Variants in HIVEP2 observed in about 807,000 individuals in gnomAD.
HIVEP2 encodes HIVEP zinc finger 2.
In HIVEP2, 14 loss-of-function variants were observed where a neutral mutation model predicts 180.7. That is an observed-to-expected ratio of 0.08 (90% confidence interval 0.05 to 0.12). HIVEP2 has a LOEUF of 0.12. Among genes scored for constraint, HIVEP2 ranks in the 10% least tolerant of loss-of-function variants. HIVEP2 has a pLI of 1.00. For synonymous variants in HIVEP2, 1,184 were observed against 1,136.4 expected (o/e 1.04, Z -0.84); for missense variants, 2,579 against 3,008.5 (o/e 0.86, Z 3.34).
chr6:142,888,741 C>T (rs1776774018), intron 1 of HIVEP2, among the ~76,000 whole-genome samples: 1 of 152,186 alleles, frequency 6.6e-6, no homozygotes, highest in East Asian at 1.9e-4. Flanking sequence ...TGTCTAATCA[C>T]CAAGCCATGA....
chr6:142,826,573 A>C (rs1401099517), intron 2 of HIVEP2, among the ~76,000 whole-genome samples: 22 of 152,246 alleles, frequency 1.4e-4, no homozygotes, highest in Non-Finnish European at 2.8e-4. Context: ...TTACCACTTC[A>C]ATTCTCAAGG....
intron 1 of HIVEP2, among the ~76,000 whole-genome samples, chr6:142,844,718 G>A (rs1775463134): frequency 6.6e-6 from 1 of 152,120 alleles, no homozygotes; most frequent in African/African-American, 2.4e-5. Flanking sequence ...GGCCGAACAA[G>A]ATCCTAGTAT....
In HIVEP2 at chr6:142,771,322, C is replaced by T; in HGVS notation, c.3417G>A (p.Val1139=). The T allele has an allele frequency of 6.2e-7, 1 of 1,613,216 alleles. No homozygotes were observed. Among genetic ancestry groups the T allele is most frequent in the Admixed American group, 1.7e-5 (1 of 60,020 alleles). The change falls in exon 5 of 10, where the codon GTG becomes GTA. Residue 1139 remains valine, a synonymous_variant. Transcript: ENST00000367603. This position sits in a 1 kb window ranked among gnomAD's most constrained non-coding sequence, Gnocchi z 5.4. The part of the protein sequence containing the change: ...PLQQEDPGKQ[V]AGPCPPLSSG... Reference sequence around the variant, plus strand: ...AGCTCAGCGGGGGACAAGGACCCGCCACCTGCTTCCCTGGGTCCTCTTGCT... The same window carrying T: ...AGCTCAGCGGGGGACAAGGACCCGCTACCTGCTTCCCTGGGTCCTCTTGCT...
intron 2 of HIVEP2, chr6:142,794,123 T>C (rs954960647): frequency 1.3e-5 from 2 of 152,192 alleles, no homozygotes; most frequent in African/African-American, 4.8e-5. Flanking sequence ...GGCTGACTGA[T>C]AGAAAGCTAA....
intron 9 of HIVEP2, among the ~76,000 whole-genome samples, chr6:142,759,048 T>C (rs197463): frequency 0.24 from 37,069 of 152,030 alleles, 4,789 homozygotes; most frequent in East Asian, 0.48. Flanking sequence ...ATGTCTGTAA[T>C]CCTAGCACTT....
chr6:142,809,012 G>A (rs1164374219), intron 2 of HIVEP2, among the ~76,000 whole-genome samples: 1 of 151,796 alleles, frequency 6.6e-6, no homozygotes, highest in Non-Finnish European at 1.5e-5. Flanking sequence ...ATTCATCTTT[G>A]TATCCCACAC....
chr6:142,770,922 G>C lies in HIVEP2; in HGVS notation c.3817C>G (p.His1273Asp). Residue 1273 changes from histidine (H) to aspartate (D), a missense_variant, in exon 5 of 10, where the codon CAC becomes GAC. By Grantham distance (81) the His-to-Asp change is moderately conservative. Coordinates refer to ENST00000367603, the MANE Select transcript of HIVEP2 (RefSeq NM_006734.4). This position sits in a 1 kb window ranked among gnomAD's most constrained non-coding sequence, Gnocchi z 4.7. ...CATGGGTAGGTCTGCTCTTTCGTGT[G>C]TGCATACTCAGCAGGTTTCTTTCCA... is the stretch of plus-strand genomic sequence containing the variant. ...HTGKKPAEYA[H>D]TKEQTYPCYS... 6.2e-7 allele frequency: 1 copy of C among 1,614,214 alleles called. No homozygotes were observed. The highest frequency in any genetic ancestry group is 8.5e-7 in the Non-Finnish European group (1 of 1,180,042).
intron 2 of HIVEP2, among the ~76,000 whole-genome samples, chr6:142,819,742 T>C (rs1045842922): frequency 6.6e-6 from 1 of 152,176 alleles, no homozygotes; most frequent in Non-Finnish European, 1.5e-5. Context: ...GAAAATCCCA[T>C]AGGGTTACAC....
chr6:142,840,741 T>G (rs1340564131), intron 1 of HIVEP2, among the ~76,000 whole-genome samples: 1 of 152,116 alleles, frequency 6.6e-6, no homozygotes, highest in Non-Finnish European at 1.5e-5. Flanking sequence ...TACTGTTTTT[T>G]CTTAGAATAT....
At chr6:142,889,195 A>C (rs1412609593) in intron 1 of HIVEP2, among the ~76,000 whole-genome samples, 1 of 152,054 alleles carries the variant, frequency 6.6e-6, no homozygotes, top group African/African-American at 2.4e-5. Flanking sequence ...TGATGTGGCC[A>C]TGCATGGTGG....
chr6:142,793,102 A>C (rs1190616647), intron 2 of HIVEP2, among the ~76,000 whole-genome samples: 1 of 152,214 alleles, frequency 6.6e-6, no homozygotes, highest in Non-Finnish European at 1.5e-5. Flanking sequence ...GTATTTTCCA[A>C]ACTTTTTTCT....
intron 2 of HIVEP2, among the ~76,000 whole-genome samples, chr6:142,835,643 A>T (rs1775203120): frequency 6.6e-6 from 1 of 152,188 alleles, no homozygotes; most frequent in South Asian, 2.1e-4. Flanking sequence ...ACTTTTTCCA[A>T]ACAGCACCAT....
intron 1 of HIVEP2, among the ~76,000 whole-genome samples, chr6:142,873,097 C>T (rs969269251): frequency 1.3e-5 from 2 of 152,274 alleles, no homozygotes; most frequent in African/African-American, 2.4e-5. Context: ...TTTTTACAGA[C>T]ACCACACAGC....
At chr6:142,839,814 G>C (rs1156941590) in intron 1 of HIVEP2, among the ~76,000 whole-genome samples, 1 of 152,078 alleles carries the variant, frequency 6.6e-6, no homozygotes, top group African/African-American at 2.4e-5. Context: ...TCTTTTAATA[G>C]TCATCAAACA....
intron 1 of HIVEP2, among the ~76,000 whole-genome samples, chr6:142,851,554 C>A (rs1775672832): frequency 6.6e-6 from 1 of 152,188 alleles, no homozygotes; most frequent in South Asian, 2.1e-4. Context: ...ACAATTATTA[C>A]CCTAGCTTAC....
chr6:142,870,126 C>T (rs2128411110), intron 1 of HIVEP2, among the ~76,000 whole-genome samples: 1 of 152,086 alleles, frequency 6.6e-6, no homozygotes, highest in Admixed American at 6.5e-5. Flanking sequence ...CAAGACCCAC[C>T]TGGGTCTGCA....
At chr6:142,818,733 AAAAGAAAG>A (rs766314719) in intron 2 of HIVEP2, among the ~76,000 whole-genome samples, 3,242 of 41,780 alleles carry the variant, frequency 0.078, 148 homozygotes, top group East Asian at 0.11. Context: ...AGAAAGAAAG[AAAAGAAAG>A]AAAGAAAGAA....
Position 142,770,660 on chromosome 6 carries a change from T to C in HIVEP2, c.4079A>G (p.Asn1360Ser), listed in dbSNP as rs1238148779. ...TTTGCATATGACAATGGCAGGGCTA[T>C]TCTGCCCAAGTATCTGAGAAATGCT... is the stretch of plus-strand genomic sequence containing the variant. ...YTSISQILGQ[N>S]SPAIVICKVD... Residue 1360 changes from asparagine to serine, a missense_variant, in exon 5 of 10, where the codon AAT becomes AGT. Asn to Ser is a conservative substitution (Grantham distance 46, BLOSUM62 1). Around this residue, in one of 11 missense-constraint regions of HIVEP2, gnomAD observed 523 missense variants for 577.0 expected, o/e 0.91. Transcript: ENST00000367603. This position sits in a 1 kb window ranked among gnomAD's most constrained non-coding sequence, Gnocchi z 4.7. 1 of 1,614,116 alleles carries C rather than the reference T, an allele frequency of 6.2e-7. No homozygotes were observed. The highest frequency in any genetic ancestry group is 1.3e-5 in the African/African-American group (1 of 74,950).
At chr6:142,859,834 C>CAAAAAAAAAAAAAAAAAAAGGAAAAAA (rs1775924677) in intron 1 of HIVEP2, among the ~76,000 whole-genome samples, 3 of 73,612 alleles carry the variant, frequency 4.1e-5, no homozygotes, top group African/African-American at 5.1e-5. Context: ...AACTCCGTCT[C>CAAAAAAAAAAAAAAAAAAAGGAAAAAA]AAAAAAAAAA....
Sources: gnomAD v4.1 joint callset for allele counts (sites outside exome capture counted in the v4.1 genomes callset) on GRCh38, gnomAD v4.1.1 for gene constraint, gnomAD v4.1.1 regional missense constraint, Gnocchi (gnomAD v3.1) non-coding constraint, MANE v1.5 for transcripts, NCBI Gene and HGNC (gene_info 2026-07-23, HGNC 2026-07-21) for gene names.